SPON1: variants seen among roughly 807,000 people sequenced by gnomAD.
SPON1 encodes spondin-1.
A neutral mutation model predicts 111.7 loss-of-function variants in SPON1; 52 were observed. That is an observed-to-expected ratio of 0.47 (90% CI 0.37 to 0.59). The LOEUF (loss-of-function observed/expected upper bound fraction) is 0.59, where lower values mean the gene tolerates loss of function less well. Among genes scored for constraint, SPON1 ranks in the 20% least tolerant of loss-of-function variants. The probability of loss-of-function intolerance (pLI) is 0.00; values close to 1 mark genes in which losing one functional copy is unlikely to be tolerated. For synonymous variants in SPON1, 410 were observed against 395.8 expected (o/e 1.04, Z -0.43); for missense variants, 957 against 1,068.5 (o/e 0.90, Z 1.46).
chr11:14,121,828 G>GT (rs1224159430), intron 5 of SPON1, among the ~76,000 whole-genome samples: 7 of 150,906 alleles, frequency 4.6e-5, no homozygotes, highest in Admixed American at 4.6e-4. Context: ...TTAAAAAAAC[G>GT]TTTTATTTTT....
intron 1 of SPON1, among the ~76,000 whole-genome samples, chr11:13,964,019 GGGA>G: frequency 6.6e-6 from 1 of 152,306 alleles, no homozygotes; most frequent in East Asian, 1.9e-4. Flanking sequence ...CGGGAGCTCA[GGGA>G]GGAGGTGTCC....
At chr11:14,041,481 A>G in intron 2 of SPON1, 40 bp from the exon 3 acceptor site, 1 of 1,606,114 alleles carries the variant, frequency 6.2e-7, no homozygotes, top group Non-Finnish European at 8.5e-7. Flanking sequence ...CCCTCTCAAA[A>G]TGATGTTGCA....
chr11:13,998,515 C>T (rs559021557), intron 2 of SPON1, among the ~76,000 whole-genome samples: 2 of 152,330 alleles, frequency 1.3e-5, no homozygotes, highest in South Asian at 4.1e-4. Context: ...ACCCTGCCTC[C>T]TCTCTGAGAT....
chr11:14,156,083 T>C (rs1847842317), intron 6 of SPON1, among the ~76,000 whole-genome samples: 1 of 123,048 alleles, frequency 8.1e-6, no homozygotes, highest in African/African-American at 2.9e-5. Context: ...ACTTCCACAA[T>C]GGTTGAACTA....
intron 5 of SPON1, among the ~76,000 whole-genome samples, chr11:14,100,629 G>C (rs981299086): frequency 6.6e-6 from 1 of 151,746 alleles, no homozygotes; most frequent in African/African-American, 2.4e-5. Flanking sequence ...TTATTTTCTA[G>C]AATTTTATTT....
chr11:13,971,807 C>T (rs1554908622), intron 1 of SPON1, among the ~76,000 whole-genome samples: 1 of 152,166 alleles, frequency 6.6e-6, no homozygotes, highest in Non-Finnish European at 1.5e-5. Flanking sequence ...TCAAAGCCAA[C>T]ATGACTGCAA....
At chr11:13,999,430 T>C (rs1332222996) in intron 2 of SPON1, among the ~76,000 whole-genome samples, 1 of 151,912 alleles carries the variant, frequency 6.6e-6, no homozygotes, top group South Asian at 2.1e-4. Context: ...CTTTCTTTTT[T>C]TTTTTTTTGA....
chr11:13,991,646 G>GATA (rs1690034640), intron 2 of SPON1, among the ~76,000 whole-genome samples: 1 of 152,152 alleles, frequency 6.6e-6, no homozygotes, highest in African/African-American at 2.4e-5. Flanking sequence ...TCCTTTGTAG[G>GATA]ATAAGCGGCA....
At chr11:14,250,839 C>A (rs1159758010) in intron 7 of SPON1, among the ~76,000 whole-genome samples, 1 of 152,126 alleles carries the variant, frequency 6.6e-6, no homozygotes, top group Non-Finnish European at 1.5e-5. Flanking sequence ...AGAATAAATA[C>A]TTTGAAGTGA....
Position 14,260,625 on chromosome 11 carries a change from G to C in SPON1, c.1869G>C (p.Trp623Cys). 1 of 1,613,976 alleles carries C rather than the reference G, an allele frequency of 6.2e-7. No homozygotes were observed. Among genetic ancestry groups the C allele is most frequent in the Non-Finnish European group, 8.5e-7 (1 of 1,179,880 alleles). Residue 623 changes from tryptophan to cysteine, a missense_variant, in exon 14 of 16, where the codon TGG becomes TGC. Physicochemically the swap from Trp to Cys is radical, Grantham distance 215. Transcript: ENST00000576479. ...IPCLLSPWSE[W>C]SDCSVTCGKG... ...GCTTGCTGTCCCCATGGTCCGAGTG[G>C]AGTGACTGCAGCGTGACCTGCGGGA...
At chr11:14,084,440 T>A (rs1554922386) in intron 5 of SPON1, among the ~76,000 whole-genome samples, 1 of 152,148 alleles carries the variant, frequency 6.6e-6, no homozygotes. Flanking sequence ...AGGATGATGG[T>A]TTCCAGCTTC....
intron 2 of SPON1, among the ~76,000 whole-genome samples, chr11:14,006,241 G>T (rs576699863): frequency 1.3e-5 from 2 of 152,296 alleles, no homozygotes; most frequent in East Asian, 3.9e-4. Flanking sequence ...TTCCACGCCA[G>T]TTTGGGACTA....
At chr11:14,231,112 C>T (rs1171894224) in intron 6 of SPON1, among the ~76,000 whole-genome samples, 6 of 151,528 alleles carry the variant, frequency 4.0e-5, no homozygotes, top group Non-Finnish European at 7.4e-5. Flanking sequence ...TGTGCCCAGC[C>T]GCCACTTTTT....
intron 6 of SPON1, among the ~76,000 whole-genome samples, chr11:14,144,043 C>T (rs1383098646): frequency 6.6e-6 from 1 of 152,156 alleles, no homozygotes; most frequent in Non-Finnish European, 1.5e-5. Flanking sequence ...CACCTAAGCT[C>T]ACTGAGCCTT....
At chr11:14,243,117 A>G (rs1848946969) in intron 6 of SPON1, among the ~76,000 whole-genome samples, 1 of 152,204 alleles carries the variant, frequency 6.6e-6, no homozygotes, top group Non-Finnish European at 1.5e-5. Flanking sequence ...GTGGCCCTTC[A>G]GTGTCCAGGA....
chr11:14,159,860 A>G (rs73424174), intron 6 of SPON1, among the ~76,000 whole-genome samples: 42 of 124,820 alleles, frequency 3.4e-4, no homozygotes, highest in African/African-American at 1.3e-3. Context: ...GGACTTAGAG[A>G]TTAGAAGGAT....
At chr11:14,121,081 A>G (rs1338986483) in intron 5 of SPON1, among the ~76,000 whole-genome samples, 6 of 152,250 alleles carry the variant, frequency 3.9e-5, no homozygotes, top group African/African-American at 1.2e-4. Context: ...AAAAGGCTAC[A>G]TACTGTGGGA....
At chr11:13,990,137 G>A (rs9666648) in intron 2 of SPON1, among the ~76,000 whole-genome samples, 7,163 of 151,836 alleles carry the variant, frequency 0.047, 549 homozygotes, top group African/African-American at 0.16. Context: ...TCTAATATTG[G>A]CAGTGGGGTG....
At chr11:14,221,486 C>T (rs899522550) in intron 6 of SPON1, among the ~76,000 whole-genome samples, 14 of 152,192 alleles carry the variant, frequency 9.2e-5, no homozygotes, top group African/African-American at 2.9e-4. Flanking sequence ...GGACTTAGAA[C>T]ATAAACACAT....
Sources: gnomAD v4.1 joint callset for allele counts (sites outside exome capture counted in the v4.1 genomes callset) on GRCh38, gnomAD v4.1.1 for gene constraint, MANE v1.5 for transcripts, NCBI Gene and HGNC (gene_info 2026-07-23, HGNC 2026-07-21) for gene names.